Variants in UNC5C observed in about 807,000 individuals in gnomAD.
UNC5C encodes netrin receptor UNC5C.
A neutral mutation model predicts 99.8 loss-of-function variants in UNC5C; 47 were observed. The observed-to-expected ratio is 0.47, with a 90% CI of 0.37 to 0.60. UNC5C has a LOEUF of 0.60. UNC5C is among the 20% of genes least tolerant of loss of function. The probability of loss-of-function intolerance (pLI) is 0.00; values close to 1 mark genes in which losing one functional copy is unlikely to be tolerated. For synonymous variants in UNC5C, 487 were observed against 452.2 expected, an observed-to-expected ratio of 1.08 and a Z score of -0.98; for missense variants, 1,062 against 1,165.9, an observed-to-expected ratio of 0.91 and a Z score of 1.30.
intron 1 of UNC5C, among the ~76,000 whole-genome samples, chr4:95,544,409 C>T (rs576913429): frequency 6.6e-6 from 1 of 152,282 alleles, no homozygotes; most frequent in African/African-American, 2.4e-5. Context: ...CCACGTTCTT[C>T]TGTGTAGAAA....
chr4:95,357,303 A>C (rs1249939958), intron 1 of UNC5C, among the ~76,000 whole-genome samples: 1 of 151,620 alleles, frequency 6.6e-6, no homozygotes, highest in East Asian at 1.9e-4. Flanking sequence ...CACCCAGATA[A>C]TTTTTTAAAT....
At chr4:95,267,473 T>C (rs955335825) in intron 4 of UNC5C, among the ~76,000 whole-genome samples, 3 of 152,256 alleles carry the variant, frequency 2.0e-5, no homozygotes, top group African/African-American at 7.2e-5. Context: ...CACAATAATA[T>C]AGACATTATG....
chr4:95,348,598 TA>T (rs1173501619), intron 1 of UNC5C, among the ~76,000 whole-genome samples: 1 of 148,522 alleles, frequency 6.7e-6, no homozygotes, highest in East Asian at 2.1e-4. Flanking sequence ...ATTCAGTCAT[TA>T]AAAGTATTTT....
intron 14 of UNC5C, among the ~76,000 whole-genome samples, chr4:95,177,532 T>G (rs1370531659): frequency 6.6e-6 from 1 of 152,124 alleles, no homozygotes; most frequent in Non-Finnish European, 1.5e-5. Context: ...TTCCACATTC[T>G]GCGATCAGCA....
At chr4:95,394,435 A>G (rs1376581649) in intron 1 of UNC5C, among the ~76,000 whole-genome samples, 1 of 152,206 alleles carries the variant, frequency 6.6e-6, no homozygotes, top group Non-Finnish European at 1.5e-5. Context: ...CCTAACTGCC[A>G]AAGGGCGAAA....
chr4:95,315,023 G>A (rs566493354), intron 2 of UNC5C, among the ~76,000 whole-genome samples: 7 of 152,194 alleles, frequency 4.6e-5, no homozygotes, highest in South Asian at 4.2e-4. Flanking sequence ...ATGGAAATCC[G>A]TCTTTGTGTA....
At chr4:95,256,035 C>T (rs1739966493) in intron 4 of UNC5C, among the ~76,000 whole-genome samples, 1 of 152,106 alleles carries the variant, frequency 6.6e-6, no homozygotes, top group African/African-American at 2.4e-5. Context: ...TTACTCCCTT[C>T]CTCCTCCTGA....
intron 7 of UNC5C, among the ~76,000 whole-genome samples, chr4:95,235,204 G>T (rs1739064051): frequency 6.6e-6 from 1 of 152,164 alleles, no homozygotes; most frequent in African/African-American, 2.4e-5. Flanking sequence ...AATTCAGAGA[G>T]CCATGCTTCC....
chr4:95,210,118 T>C (rs1738026593), intron 10 of UNC5C, among the ~76,000 whole-genome samples: 1 of 152,098 alleles, frequency 6.6e-6, no homozygotes, highest in African/African-American at 2.4e-5. Context: ...CTGTCAGACC[T>C]GTACTCTCCA....
chr4:95,246,934 T>A (rs1739522770), intron 5 of UNC5C, among the ~76,000 whole-genome samples: 1 of 151,750 alleles, frequency 6.6e-6, no homozygotes, highest in African/African-American at 2.4e-5. Flanking sequence ...CCCAGGTACT[T>A]GGGAGGCTGA....
chr4:95,537,686 CA>C (rs1722816573), intron 1 of UNC5C, among the ~76,000 whole-genome samples: 1 of 152,126 alleles, frequency 6.6e-6, no homozygotes, highest in African/African-American at 2.4e-5. Flanking sequence ...ATGGGTGTGT[CA>C]AACTTCAATT....
intron 1 of UNC5C, among the ~76,000 whole-genome samples, chr4:95,415,027 A>G (rs529585541): frequency 6.6e-6 from 1 of 152,228 alleles, no homozygotes; most frequent in East Asian, 1.9e-4. Context: ...TCCCTTGATT[A>G]TAAATCCATT....
At chr4:95,478,973 G>T (rs965704751) in intron 1 of UNC5C, among the ~76,000 whole-genome samples, 3 of 151,890 alleles carry the variant, frequency 2.0e-5, no homozygotes, top group African/African-American at 7.2e-5. Context: ...CTCATCATGT[G>T]ACACACTGGC....
At chr4:95,430,768 A>G (rs1468956273) in intron 1 of UNC5C, among the ~76,000 whole-genome samples, 2 of 152,138 alleles carry the variant, frequency 1.3e-5, no homozygotes, top group African/African-American at 4.8e-5. Flanking sequence ...TTACATTGAA[A>G]GCAGCTTTCC....
At chr4:95,516,352 T>C (rs1396287047) in intron 1 of UNC5C, among the ~76,000 whole-genome samples, 2 of 152,170 alleles carry the variant, frequency 1.3e-5, no homozygotes, top group Non-Finnish European at 1.5e-5. Flanking sequence ...CAGTATTGAC[T>C]GGGACAGAAG....
intron 1 of UNC5C, among the ~76,000 whole-genome samples, chr4:95,463,354 G>A (rs1421446039): frequency 1.3e-5 from 2 of 152,142 alleles, no homozygotes; most frequent in Non-Finnish European, 2.9e-5. Flanking sequence ...TCTCAGCTTA[G>A]GAAGATGCCA....
At chr4:95,459,699 G>T (rs1747545295) in intron 1 of UNC5C, among the ~76,000 whole-genome samples, 1 of 152,102 alleles carries the variant, frequency 6.6e-6, no homozygotes, top group Admixed American at 6.6e-5. Flanking sequence ...GTTAGTATAG[G>T]TTCCAACTTC....
At chr4:95,523,070 C>T (rs901178839) in intron 1 of UNC5C, among the ~76,000 whole-genome samples, 5 of 152,164 alleles carry the variant, frequency 3.3e-5, no homozygotes, top group Non-Finnish European at 5.9e-5. Context: ...CACCTAGGGA[C>T]ACCCACAGGA....
chr4:95,372,907 G>T (rs1010798124), intron 1 of UNC5C, among the ~76,000 whole-genome samples: 3 of 152,098 alleles, frequency 2.0e-5, no homozygotes, highest in Non-Finnish European at 4.4e-5. Flanking sequence ...CCTAGGTCCT[G>T]ATCAGGAAGA....
Sources: gnomAD v4.1 joint callset for allele counts (sites outside exome capture counted in the v4.1 genomes callset) on GRCh38, gnomAD v4.1.1 for gene constraint, MANE v1.5 for transcripts, NCBI Gene and HGNC (gene_info 2026-07-23, HGNC 2026-07-21) for gene names.